The following CYYR1 variants were observed in gnomAD, a reference collection of about 807,000 sequenced individuals.
CYYR1 encodes the protein cysteine and tyrosine rich 1.
In CYYR1, 14 loss-of-function variants were observed where a neutral mutation model predicts 15.2. The ratio of observed to expected loss-of-function variants is 0.92; its 90% CI spans 0.61 to 1.44. The LOEUF (loss-of-function observed/expected upper bound fraction) is 1.44. Ranked by LOEUF, CYYR1 falls within the 40% of genes most tolerant of loss-of-function variation. The probability of loss-of-function intolerance (pLI) is 0.00; values close to 1 mark genes in which losing one functional copy is unlikely to be tolerated. For missense variants in CYYR1, 228 were observed against 209.5 expected, an observed-to-expected ratio of 1.09 and a Z score of -0.54; for synonymous variants, 80 against 77.4, an observed-to-expected ratio of 1.03 and a Z score of -0.18.
At chr21:26,516,725 A>G (rs115966256) in intron 2 of CYYR1, among the ~76,000 whole-genome samples, 3 of 152,198 alleles carry the variant, frequency 2.0e-5, no homozygotes, top group African/African-American at 7.2e-5. Flanking sequence ...TTGCTTCAAA[A>G]TCCTTTGCTT....
chr21:26,546,521 A>G (rs949343314), intron 2 of CYYR1, among the ~76,000 whole-genome samples: 2 of 152,206 alleles, frequency 1.3e-5, no homozygotes, highest in Non-Finnish European at 1.5e-5. Flanking sequence ...TTAACTATAC[A>G]TGGAAGTGAT....
At chr21:26,475,156 T>C (rs560446672) in intron 3 of CYYR1, among the ~76,000 whole-genome samples, 4 of 152,304 alleles carry the variant, frequency 2.6e-5, no homozygotes, top group African/African-American at 9.6e-5. Flanking sequence ...GCCATACATT[T>C]CTTTAGACAT....
chr21:26,552,652 T>C (rs143757928), intron 2 of CYYR1, among the ~76,000 whole-genome samples: 4 of 152,254 alleles, frequency 2.6e-5, no homozygotes, highest in African/African-American at 7.2e-5. Flanking sequence ...TAGTTCTTTA[T>C]TGTTCTTTTT....
chr21:26,480,759 A>G (rs1412687946), intron 2 of CYYR1, among the ~76,000 whole-genome samples: 1 of 152,170 alleles, frequency 6.6e-6, no homozygotes, highest in African/African-American at 2.4e-5. Flanking sequence ...AATAATTTTA[A>G]AAACCATTCT....
intron 2 of CYYR1, among the ~76,000 whole-genome samples, chr21:26,556,495 G>GACTGGGTAA (rs1979791007): frequency 6.6e-6 from 1 of 152,110 alleles, no homozygotes; most frequent in South Asian, 2.1e-4. Flanking sequence ...AAATACCTGA[G>GACTGGGTAA]ACTGGGTAAT....
At chr21:26,549,691 G>A (rs1295749086) in intron 2 of CYYR1, among the ~76,000 whole-genome samples, 1 of 152,074 alleles carries the variant, frequency 6.6e-6, no homozygotes, top group African/African-American at 2.4e-5. Flanking sequence ...TCTCAAATCC[G>A]AATTGAGGTG....
At chr21:26,539,780 C>A (rs1211991681) in intron 2 of CYYR1, among the ~76,000 whole-genome samples, 1 of 152,152 alleles carries the variant, frequency 6.6e-6, no homozygotes, top group Non-Finnish European at 1.5e-5. Flanking sequence ...TTCCCCCGCC[C>A]CCTAAGTTCC....
chr21:26,487,187 T>C (rs1187042572), intron 2 of CYYR1, among the ~76,000 whole-genome samples: 9 of 152,024 alleles, frequency 5.9e-5, no homozygotes, highest in Non-Finnish European at 1.3e-4. Context: ...CCTTTACCTT[T>C]GAAATAAGTC....
At chr21:26,539,832 A>T (rs772993471) in intron 2 of CYYR1, among the ~76,000 whole-genome samples, 9 of 152,314 alleles carry the variant, frequency 5.9e-5, no homozygotes, top group South Asian at 4.1e-4. Context: ...GGAAGTACAG[A>T]TAGACATTTG....
chr21:26,515,352 T>TTTTTC (rs966644721), intron 2 of CYYR1, among the ~76,000 whole-genome samples: 4 of 152,168 alleles, frequency 2.6e-5, no homozygotes, highest in African/African-American at 4.8e-5. Flanking sequence ...TCTCTTTTTC[T>TTTTTC]TTTTCTTTTC....
At chr21:26,546,842 C>T (rs2123670310) in intron 2 of CYYR1, among the ~76,000 whole-genome samples, 1 of 152,224 alleles carries the variant, frequency 6.6e-6, no homozygotes, top group South Asian at 2.1e-4. Flanking sequence ...ATAGTGGATA[C>T]GTCAGGAAAT....
In CYYR1 at chr21:26,572,515, A is replaced by G. The variant is rs765865162; in HGVS notation, c.73+353T>C. Reference sequence around the variant, plus strand: ...ACAAGAGGGAAAACCAGGACTATTTAGAAAGCAGAAGATGGAGAGGCCACT... The same window carrying G: ...ACAAGAGGGAAAACCAGGACTATTTGGAAAGCAGAAGATGGAGAGGCCACT... On this transcript the variant is annotated intron_variant, in intron 1 of 3. Coordinates refer to ENST00000652641, the MANE Select transcript of CYYR1 (RefSeq NM_001320768.2). Among the ~76,000 whole-genome samples, 32 of 152,348 alleles carry G rather than the reference A, an allele frequency of 2.1e-4. 1 individual carries two copies. The highest frequency in any genetic ancestry group is 1.3e-4 in the Admixed American group (2 of 15,302).
chr21:26,548,394 T>G (rs750182299), intron 2 of CYYR1, among the ~76,000 whole-genome samples: 10 of 152,230 alleles, frequency 6.6e-5, no homozygotes, highest in Non-Finnish European at 1.2e-4. Flanking sequence ...GTGCCCAGGA[T>G]GCAGTGCAGT....
At chr21:26,553,759 A>T (rs1488834488) in intron 2 of CYYR1, among the ~76,000 whole-genome samples, 1 of 152,156 alleles carries the variant, frequency 6.6e-6, no homozygotes, top group African/African-American at 2.4e-5. Context: ...TCTTCATCTT[A>T]CTCAGAACTG....
At chr21:26,552,858 CA>C (rs1979493301) in intron 2 of CYYR1, among the ~76,000 whole-genome samples, 1 of 152,134 alleles carries the variant, frequency 6.6e-6, no homozygotes, top group East Asian at 1.9e-4. Context: ...TATGTTTTCA[CA>C]TTAAATAGTC....
At chr21:26,537,138 T>G (rs1021553838) in intron 2 of CYYR1, among the ~76,000 whole-genome samples, 1 of 151,994 alleles carries the variant, frequency 6.6e-6, no homozygotes, top group African/African-American at 2.4e-5. Flanking sequence ...CTGAGGAGCA[T>G]AGGAGTAAAT....
intron 2 of CYYR1, among the ~76,000 whole-genome samples, chr21:26,527,852 T>C (rs1163637859): frequency 6.6e-6 from 1 of 152,218 alleles, no homozygotes; most frequent in East Asian, 1.9e-4. Context: ...AATATAATAT[T>C]CTGCGAAGTC....
At chr21:26,514,777 G>A (rs1024765071) in intron 2 of CYYR1, among the ~76,000 whole-genome samples, 1 of 152,180 alleles carries the variant, frequency 6.6e-6, no homozygotes, top group African/African-American at 2.4e-5. Flanking sequence ...AATGTGCACA[G>A]TAACTCTGCA....
intron 2 of CYYR1, among the ~76,000 whole-genome samples, chr21:26,565,625 T>A (rs1980561931): frequency 6.6e-6 from 1 of 152,222 alleles, no homozygotes; most frequent in Non-Finnish European, 1.5e-5. Context: ...GAATCGGCTC[T>A]AAAATAAATT....
Sources: allele counts gnomAD v4.1 joint callset (sites outside exome capture counted in the v4.1 genomes callset), GRCh38; gene constraint gnomAD v4.1.1; transcripts MANE v1.5; gene names NCBI Gene and HGNC (gene_info 2026-07-23, HGNC 2026-07-21).